PTPRN2: variants seen among roughly 807,000 people sequenced by gnomAD.
PTPRN2 encodes the protein receptor-type tyrosine-protein phosphatase N2.
In PTPRN2, 74 loss-of-function variants were observed where a neutral mutation model predicts 118.8. The observed-to-expected ratio is 0.62, with a 90% CI of 0.52 to 0.76. The LOEUF (loss-of-function observed/expected upper bound fraction) is 0.76. Among genes scored for constraint, PTPRN2 ranks in the 30% least tolerant of loss-of-function variants. The pLI is 0.00. For missense variants in PTPRN2, 1,481 were observed against 1,394.4 expected (o/e 1.06, Z -0.99); for synonymous variants, 641 against 608.0 (o/e 1.05, Z -0.80).
chr7:158,227,235 C>T (rs1828853373), intron 3 of PTPRN2, among the ~76,000 whole-genome samples: 1 of 152,076 alleles, frequency 6.6e-6, no homozygotes, highest in South Asian at 2.1e-4. Context: ...AAAAGAGGTG[C>T]TGAGCAGAGG....
chr7:158,034,684 C>A (rs561138910), intron 11 of PTPRN2, among the ~76,000 whole-genome samples: 51 of 152,328 alleles, frequency 3.3e-4, no homozygotes, highest in Admixed American at 2.2e-3. Flanking sequence ...CATGCTAGGC[C>A]AAGATCTGGA....
chr7:157,580,598 G>C (rs1800308021), intron 17 of PTPRN2, among the ~76,000 whole-genome samples: 3 of 139,632 alleles, frequency 2.1e-5, no homozygotes, highest in Non-Finnish European at 1.5e-5. Context: ...CCCAGCACCT[G>C]CACACCCCAG....
At chr7:158,387,013 C>A (rs1162890838) in intron 2 of PTPRN2, among the ~76,000 whole-genome samples, 1 of 152,100 alleles carries the variant, frequency 6.6e-6, no homozygotes, top group Non-Finnish European at 1.5e-5. Flanking sequence ...TGGCTTCTCA[C>A]CCTCTGGGAT....
chr7:157,791,389 C>T (rs945562077), intron 12 of PTPRN2, among the ~76,000 whole-genome samples: 1 of 152,232 alleles, frequency 6.6e-6, no homozygotes, highest in African/African-American at 2.4e-5. Context: ...TCGTGCCTGG[C>T]GTGTTTTACG....
At chr7:158,217,521 A>ACAAGAACT (rs1311979928) in intron 3 of PTPRN2, among the ~76,000 whole-genome samples, 1 of 152,236 alleles carries the variant, frequency 6.6e-6, no homozygotes, top group African/African-American at 2.4e-5. Context: ...AGAAAACAGC[A>ACAAGAACT]CAAGAACTCT....
intron 11 of PTPRN2, among the ~76,000 whole-genome samples, chr7:157,952,343 G>A (rs932627453): frequency 2.7e-5 from 4 of 150,638 alleles, no homozygotes; most frequent in African/African-American, 9.7e-5. Flanking sequence ...ACAGGGTGGG[G>A]GACACGAAGG....
rs565791667 is a variant in PTPRN2 at position 158,161,805 on chromosome 7, T to C, written c.910+5126A>G. Among the ~76,000 whole-genome samples, 1,079 of 151,694 alleles carry C rather than the reference T, an allele frequency of 7.1e-3. 7 individuals carry two copies. The highest frequency in any genetic ancestry group is 0.025 in the African/African-American group (1,039 of 41,376). The stretch of plus-strand genomic sequence containing the variant: ...GAGAATGAAAATACAAGCCACAGAC[T>C]GGAGAAAATGTTTACAAAAGACATA... On this transcript the variant is annotated intron_variant, in intron 6 of 22. Transcript: ENST00000389418.
chr7:158,136,235 G>C (rs1051809150), intron 8 of PTPRN2, among the ~76,000 whole-genome samples: 1 of 152,210 alleles, frequency 6.6e-6, no homozygotes, highest in Non-Finnish European at 1.5e-5. Flanking sequence ...TATAGGTTTA[G>C]ATGGCCACAT....
At chr7:157,666,379 A>C (rs1563323202) in intron 13 of PTPRN2, among the ~76,000 whole-genome samples, 1 of 152,204 alleles carries the variant, frequency 6.6e-6, no homozygotes, top group Non-Finnish European at 1.5e-5. Context: ...CCCAGTGAGA[A>C]GGACGCATTT....
Position 157,578,123 on chromosome 7 carries a change from GCCGCTCTCCCACA to G in PTPRN2, c.2501_2513del (p.Val834AlafsTer4). On this transcript the variant is annotated frameshift_variant, in exon 18 of 23. Coordinates refer to ENST00000389418, the MANE Select transcript of PTPRN2 (RefSeq NM_002847.5). LOFTEE classifies it high-confidence loss of function. ...GTGTCAGCATGACGATCACCACGCAGCCGCTCTCCCACACCATCTGCGGACAAAGAAGGCCCGT... is the reference window on the plus strand; with the variant it reads ...GTGTCAGCATGACGATCACCACGCAGCCATCTGCGGACAAAGAAGGCCCGT... The G allele has an allele frequency of 6.2e-7, 1 of 1,612,170 alleles. No homozygotes were observed. Among genetic ancestry groups the G allele is most frequent in the Non-Finnish European group, 8.5e-7 (1 of 1,179,212 alleles).
intron 12 of PTPRN2, among the ~76,000 whole-genome samples, chr7:157,773,197 G>A (rs1388931143): frequency 1.3e-5 from 2 of 152,226 alleles, no homozygotes; most frequent in East Asian, 3.9e-4. Context: ...CTCCACCTCC[G>A]CTTTTCTGAC....
At chr7:157,816,437 G>A (rs1292978611) in intron 12 of PTPRN2, among the ~76,000 whole-genome samples, 2 of 152,238 alleles carry the variant, frequency 1.3e-5, no homozygotes, top group Admixed American at 6.5e-5. Flanking sequence ...GGCAGAGGCC[G>A]AGCCAGCCTG....
At chr7:158,481,377 G>A (rs1402007053) in intron 2 of PTPRN2, among the ~76,000 whole-genome samples, 2 of 152,242 alleles carry the variant, frequency 1.3e-5, no homozygotes, top group African/African-American at 4.8e-5. Context: ...TGATGCAGCT[G>A]TACAAGGAGG....
intron 11 of PTPRN2, among the ~76,000 whole-genome samples, chr7:158,070,089 A>G (rs1811085748): frequency 6.6e-6 from 1 of 152,222 alleles, no homozygotes; most frequent in African/African-American, 2.4e-5. Flanking sequence ...CAGAACATCC[A>G]GGCAGGGCTG....
At chr7:158,336,840 T>TAA (rs1563165816) in intron 2 of PTPRN2, among the ~76,000 whole-genome samples, 2 of 88,980 alleles carry the variant, frequency 2.2e-5, no homozygotes, top group African/African-American at 8.2e-5. Flanking sequence ...CAGACGTCAC[T>TAA]CACCCACACT....
intron 13 of PTPRN2, 98 bp downstream of exon 13, chr7:157,682,627 A>T: frequency 8.0e-7 from 1 of 1,246,438 alleles, no homozygotes; most frequent in South Asian, 1.2e-5. Context: ...ATACAGGAAC[A>T]ACTGCTGGGA....
intron 11 of PTPRN2, among the ~76,000 whole-genome samples, chr7:158,060,637 T>C (rs945865767): frequency 1.3e-5 from 2 of 152,166 alleles, no homozygotes; most frequent in Admixed American, 1.3e-4. Context: ...AGGGGTTAGG[T>C]TTTGACCATA....
At chr7:157,782,509 A>G (rs1347578326) in intron 12 of PTPRN2, among the ~76,000 whole-genome samples, 1 of 152,234 alleles carries the variant, frequency 6.6e-6, no homozygotes, top group Non-Finnish European at 1.5e-5. Context: ...GAAGCTGATC[A>G]GGGTCAACCT....
intron 12 of PTPRN2, among the ~76,000 whole-genome samples, chr7:157,698,523 C>T (rs546674180): frequency 7.2e-5 from 11 of 152,108 alleles, no homozygotes; most frequent in African/African-American, 1.7e-4. Context: ...ACAAATATGT[C>T]GGGATGTTTA....
Sources: allele counts gnomAD v4.1 joint callset (sites outside exome capture counted in the v4.1 genomes callset), GRCh38; gene constraint gnomAD v4.1.1; transcripts MANE v1.5; gene names NCBI Gene and HGNC (gene_info 2026-07-23, HGNC 2026-07-21).